Variants in SLC24A4 observed in about 807,000 individuals in gnomAD.
SLC24A4 encodes the protein solute carrier family 24 member 4.
SLC24A4 carries 53 observed loss-of-function variants against 79.0 expected under a neutral mutation model. That is an observed-to-expected ratio of 0.67 (90% CI 0.54 to 0.84). The LOEUF is 0.84. Ranked by LOEUF, SLC24A4 falls within the 40% of genes least tolerant of loss-of-function variation. SLC24A4 has a pLI of 0.00. For synonymous variants in SLC24A4, 323 were observed against 323.8 expected, an observed-to-expected ratio of 1.00 and a Z score of 0.03; for missense variants, 731 against 822.0, an observed-to-expected ratio of 0.89 and a Z score of 1.35.
intron 2 of SLC24A4, among the ~76,000 whole-genome samples, chr14:92,406,533 A>G (rs1431356791): frequency 1.3e-5 from 2 of 152,124 alleles, no homozygotes; most frequent in Admixed American, 1.3e-4. Context: ...ATTTCCATAC[A>G]TCCTCTAAAA....
chr14:92,466,782 A>G (rs995696331), intron 12 of SLC24A4, among the ~76,000 whole-genome samples: 3 of 152,210 alleles, frequency 2.0e-5, no homozygotes, highest in Admixed American at 6.5e-5. Context: ...CAAGCTGTAC[A>G]GTACATAGGA....
chr14:92,386,534 G>T (rs577529571), intron 2 of SLC24A4, among the ~76,000 whole-genome samples: 6 of 152,254 alleles, frequency 3.9e-5, no homozygotes, highest in Admixed American at 3.9e-4. Context: ...GGGTGATGGG[G>T]CATTATCACA....
At chr14:92,376,504 C>T (rs569220219) in intron 2 of SLC24A4, among the ~76,000 whole-genome samples, 8 of 152,360 alleles carry the variant, frequency 5.3e-5, no homozygotes, top group Admixed American at 1.3e-4. Context: ...CTCTGTGATC[C>T]GTCCATGGTA....
At chr14:92,372,658 C>T (rs565469981) in intron 2 of SLC24A4, among the ~76,000 whole-genome samples, 3 of 152,230 alleles carry the variant, frequency 2.0e-5, no homozygotes, top group East Asian at 1.9e-4. Context: ...AATGTGCCTG[C>T]GTTTCCAGAA....
intron 2 of SLC24A4, among the ~76,000 whole-genome samples, chr14:92,344,172 G>T (rs570511662): frequency 6.6e-6 from 1 of 152,314 alleles, no homozygotes; most frequent in African/African-American, 2.4e-5. Context: ...CACCACTTAC[G>T]TGATGTCTGA....
Position 92,373,661 on chromosome 14 carries a change from A to G in SLC24A4, c.241+47683A>G, listed in dbSNP as rs528293939. On this transcript the variant is annotated intron_variant, in intron 2 of 16. Coordinates refer to ENST00000532405, the MANE Select transcript of SLC24A4 (RefSeq NM_153646.4). ...TCCATACCCAGTGGACTCTGAGGACAGGGGACGGTGAACCCTGTGGGTTTC... is the reference window on the plus strand; with the variant it reads ...TCCATACCCAGTGGACTCTGAGGACGGGGGACGGTGAACCCTGTGGGTTTC... Among the ~76,000 whole-genome samples the G allele has an allele frequency of 1.7e-4, 26 of 152,300 alleles. No individual in the cohort carries two copies. In the East Asian group the frequency reaches 5.0e-3, roughly 29 times the overall value.
chr14:92,408,260 T>C (rs1253274294), intron 2 of SLC24A4: 1 of 347,642 alleles, frequency 2.9e-6, no homozygotes, highest in Non-Finnish European at 4.0e-6. Context: ...GATGACTAAA[T>C]TGACCTGGAA....
rs1038406831 is a variant in SLC24A4, at chr14:92,495,437, G to C, written c.*1809G>C. On this transcript the variant is annotated 3_prime_UTR_variant, in exon 17 of 17. Transcript: ENST00000532405. ...CAGTGGTCTTCAACTTGAGGACGAG[G>C]GTGATTTTCCTAAGAAATCAGCAAA... 2.0e-5 allele frequency: 3 copies of C among 152,014 alleles called. No individual in the cohort carries two copies. Among genetic ancestry groups the C allele is most frequent in the Non-Finnish European group, 4.4e-5 (3 of 68,026 alleles). 9.4% of individuals were successfully genotyped at this position (152,014 alleles called of 1,614,324 possible). A position where few individuals can be genotyped will look rare whatever the true frequency, so the allele number is the denominator to read the frequency against.
At chr14:92,479,100 A>C (rs1237716161) in intron 12 of SLC24A4, among the ~76,000 whole-genome samples, 1 of 152,200 alleles carries the variant, frequency 6.6e-6, no homozygotes, top group Non-Finnish European at 1.5e-5. Context: ...TGGGTTCCTT[A>C]GAGTTTTCTA....
At chr14:92,484,395 G>A in intron 13 of SLC24A4, 1 of 985,298 alleles carries the variant, frequency 1.0e-6, no homozygotes, top group Non-Finnish European at 1.2e-6. Flanking sequence ...GGTGGAAGGT[G>A]CTGCCCCCAG....
At chr14:92,328,007 A>G (rs182611579) in intron 2 of SLC24A4, among the ~76,000 whole-genome samples, 1 of 152,158 alleles carries the variant, frequency 6.6e-6, no homozygotes, top group Non-Finnish European at 1.5e-5. Context: ...AATCCTTATC[A>G]CGTTTTTGCC....
At chr14:92,348,436 C>G (rs1886667090) in intron 2 of SLC24A4, among the ~76,000 whole-genome samples, 2 of 152,234 alleles carry the variant, frequency 1.3e-5, no homozygotes, top group Admixed American at 6.5e-5. Flanking sequence ...CTCCACTCTG[C>G]CGATGCAGGG....
At chr14:92,474,357 A>G (rs1342185494) in intron 12 of SLC24A4, among the ~76,000 whole-genome samples, 1 of 152,156 alleles carries the variant, frequency 6.6e-6, no homozygotes, top group Non-Finnish European at 1.5e-5. Flanking sequence ...AGAGCCATGC[A>G]AGAATCCAGC....
At chr14:92,426,614 G>C (rs530036231) in intron 2 of SLC24A4, among the ~76,000 whole-genome samples, 54 of 152,306 alleles carry the variant, frequency 3.5e-4, no homozygotes, top group African/African-American at 1.3e-3. Context: ...TCCTTCTCAT[G>C]CTAGTTAAGT....
intron 2 of SLC24A4, among the ~76,000 whole-genome samples, chr14:92,364,002 A>G (rs1298260655): frequency 6.6e-6 from 1 of 152,042 alleles, no homozygotes; most frequent in Non-Finnish European, 1.5e-5. Flanking sequence ...AGGATTGGCC[A>G]TCTCGTCTGT....
intron 2 of SLC24A4, among the ~76,000 whole-genome samples, chr14:92,404,234 C>T (rs1481954742): frequency 6.6e-6 from 1 of 152,188 alleles, no homozygotes; most frequent in Non-Finnish European, 1.5e-5. Context: ...ATTGCATAGC[C>T]CAGCTGGTCT....
chr14:92,449,307 CACACA>C (rs1893002750), intron 10 of SLC24A4, 91 bp downstream of exon 10: 1 of 1,308,890 alleles, frequency 7.6e-7, no homozygotes, highest in Non-Finnish European at 1.1e-6. Flanking sequence ...CACACACACA[CACACA>C]CACACACACA....
chr14:92,405,373 C>T (rs1375985576), intron 2 of SLC24A4, among the ~76,000 whole-genome samples: 1 of 152,188 alleles, frequency 6.6e-6, no homozygotes, highest in African/African-American at 2.4e-5. Context: ...GCTCCTGACT[C>T]TGGGTCATTA....
At chr14:92,387,724 A>G (rs985387796) in intron 2 of SLC24A4, among the ~76,000 whole-genome samples, 4 of 152,156 alleles carry the variant, frequency 2.6e-5, no homozygotes, top group African/African-American at 7.2e-5. Flanking sequence ...TCCTTCCTCA[A>G]TCCAGCCCCT....
Sources: gnomAD v4.1 joint callset for allele counts (sites outside exome capture counted in the v4.1 genomes callset) on GRCh38, gnomAD v4.1.1 for gene constraint, MANE v1.5 for transcripts, NCBI Gene and HGNC (gene_info 2026-07-23, HGNC 2026-07-21) for gene names.